The following ANKRD12 variants were observed in gnomAD, a reference collection of about 807,000 sequenced individuals.
ANKRD12 encodes ankyrin repeat domain 12.
A neutral mutation model predicts 183.4 loss-of-function variants in ANKRD12; 85 were observed. That is an observed-to-expected ratio of 0.46 (90% confidence interval 0.39 to 0.56). The LOEUF (loss-of-function observed/expected upper bound fraction) is 0.56. Ranked by LOEUF, ANKRD12 falls within the 20% of genes least tolerant of loss-of-function variation. The pLI is 0.00. For missense variants in ANKRD12, 2,405 were observed against 2,357.1 expected, an observed-to-expected ratio of 1.02 and a Z score of -0.42; for synonymous variants, 914 against 800.2, an observed-to-expected ratio of 1.14 and a Z score of -2.40.
intron 1 of ANKRD12, among the ~76,000 whole-genome samples, chr18:9,170,629 T>C (rs927600065): frequency 6.6e-6 from 1 of 152,182 alleles, no homozygotes; most frequent in Non-Finnish European, 1.5e-5. Flanking sequence ...TTCAAAGCTT[T>C]TAACTTCTTT....
intron 1 of ANKRD12, among the ~76,000 whole-genome samples, chr18:9,179,705 G>A (rs1372825006): frequency 6.6e-6 from 1 of 152,056 alleles, no homozygotes; most frequent in African/African-American, 2.4e-5. Flanking sequence ...TAGTAGAAGT[G>A]GTGTTTCGCC....
chr18:9,269,594 C>T (rs1384862886), intron 10 of ANKRD12, among the ~76,000 whole-genome samples: 1 of 152,198 alleles, frequency 6.6e-6, no homozygotes, highest in Non-Finnish European at 1.5e-5. Context: ...TGGATCCCTT[C>T]CTTACACCTT....
At chr18:9,260,132 C>G (rs984413294) in intron 9 of ANKRD12, 8 of 152,184 alleles carry the variant, frequency 5.3e-5, no homozygotes, top group Non-Finnish European at 1.0e-4. Context: ...GCCCTACATT[C>G]TTTTTCTTAC....
chr18:9,207,187 G>A (rs2144584755), intron 4 of ANKRD12, among the ~76,000 whole-genome samples: 1 of 152,028 alleles, frequency 6.6e-6, no homozygotes, highest in East Asian at 1.9e-4. Flanking sequence ...GGAAAAAATT[G>A]GCTTCTCCAA....
intron 10 of ANKRD12, among the ~76,000 whole-genome samples, chr18:9,274,616 C>T (rs1025587407): frequency 3.9e-5 from 6 of 152,110 alleles, no homozygotes; most frequent in Non-Finnish European, 8.8e-5. Flanking sequence ...TGGAAATGTT[C>T]TGGTGATGGT....
chr18:9,255,695 A>G lies in ANKRD12; in HGVS notation c.2428A>G (p.Lys810Glu). ...HLVEKEIDIE[K>E]QEKHIKESKE... ...AGTGGAAAAGGAAATAGACATTGAA[A>G]AACAAGAAAAGCATATAAAGGAAAG... Residue 810 changes from lysine to glutamate, a missense_variant, in exon 9 of 13, where the codon AAA (lysine) becomes GAA (glutamate). By Grantham distance (56) the Lys-to-Glu change is moderately conservative (BLOSUM62 1). This residue lies in a region of ANKRD12 where 1,983 missense variants were observed against 1,725.9 expected (regional missense o/e 1.15). Coordinates refer to ENST00000262126, the MANE Select transcript of ANKRD12 (RefSeq NM_015208.5). The G allele has an allele frequency of 1.9e-6, 3 of 1,597,688 alleles. No homozygotes were observed. The highest frequency in any genetic ancestry group is 2.6e-6 in the Non-Finnish European group (3 of 1,175,832).
At chr18:9,198,355 C>CA (rs11375187) in intron 3 of ANKRD12, among the ~76,000 whole-genome samples, 28,934 of 151,980 alleles carry the variant, frequency 0.19, 2,969 homozygotes, top group African/African-American at 0.25. Flanking sequence ...CAATAGTAAT[C>CA]AAGAAATACA....
In ANKRD12 at chr18:9,234,662, A is replaced by G. The variant is rs955378621; in HGVS notation, c.943+12663A>G. ...ATATGGGGGCTATGGTTCCCAGGGCAGGATGAAGTCTCCTGACAGCTGGGC... is the reference window on the plus strand; with the variant it reads ...ATATGGGGGCTATGGTTCCCAGGGCGGGATGAAGTCTCCTGACAGCTGGGC... On this transcript the variant is annotated intron_variant, in intron 8 of 12. Transcript: ENST00000262126. 3.3e-5 allele frequency among the ~76,000 whole-genome samples: 5 copies of G among 152,232 alleles called. No homozygotes were observed. The East Asian group carries it at 9.7e-4, about 29-fold the overall frequency.
At chr18:9,211,930 A>G (rs1014422157) in intron 6 of ANKRD12, 146 bp downstream of exon 6, 1 of 656,196 alleles carries the variant, frequency 1.5e-6, no homozygotes, top group Non-Finnish European at 2.5e-6. Flanking sequence ...TGGAGTTCGT[A>G]CATAAAACCC....
intron 1 of ANKRD12, among the ~76,000 whole-genome samples, chr18:9,170,737 A>G (rs2032624564): frequency 6.6e-6 from 1 of 151,872 alleles, no homozygotes. Flanking sequence ...GCTTTGTTCC[A>G]TTGCTGGTGA....
chr18:9,239,588 GA>G, intron 8 of ANKRD12: 4 of 1,156,974 alleles, frequency 3.5e-6, no homozygotes, highest in African/African-American at 1.6e-5. Context: ...TGGAGTTGCT[GA>G]AAAAGACTGA....
At position 9,257,100 on chromosome 18, in the gene ANKRD12, C is replaced by A. The variant is rs755094667; in HGVS notation, c.3833C>A (p.Ala1278Glu). Residue 1278 changes from alanine to glutamate, a missense_variant, in exon 9 of 13, where the codon GCA (alanine) becomes GAA (glutamate). Coordinates refer to ENST00000262126, the MANE Select transcript of ANKRD12 (RefSeq NM_015208.5). ...DLPERIKPPYANRLSTSHLRS... is the reference protein window; with the variant it reads ...DLPERIKPPYENRLSTSHLRS... Reference sequence around the variant, plus strand: ...CCGGAGCGGATTAAACCACCATATGCAAACAGACTTTCAACATCCCATCTT... The same window carrying A: ...CCGGAGCGGATTAAACCACCATATGAAAACAGACTTTCAACATCCCATCTT... 1 of 1,614,132 alleles carries A rather than the reference C, an allele frequency of 6.2e-7. No individual in the cohort carries two copies. Among genetic ancestry groups the A allele is most frequent in the Non-Finnish European group, 8.5e-7 (1 of 1,180,000 alleles).
intron 1 of ANKRD12, among the ~76,000 whole-genome samples, chr18:9,162,534 A>C (rs2031563822): frequency 6.6e-6 from 1 of 152,186 alleles, no homozygotes; most frequent in Non-Finnish European, 1.5e-5. Flanking sequence ...TCTTTGTAAT[A>C]GAATGATTTA....
chr18:9,172,298 G>T (rs2032817151), intron 1 of ANKRD12, among the ~76,000 whole-genome samples: 1 of 152,106 alleles, frequency 6.6e-6, no homozygotes. Flanking sequence ...TCTCCTGGAT[G>T]ATATCCTGAA....
chr18:9,145,889 C>T (rs2078476922), intron 1 of ANKRD12, among the ~76,000 whole-genome samples: 1 of 152,160 alleles, frequency 6.6e-6, no homozygotes. Flanking sequence ...AGAAGGCATT[C>T]TCTGTTTATG....
At position 9,258,262 on chromosome 18, in the gene ANKRD12, T is replaced by G. The variant is rs1432767632; in HGVS notation, c.4995T>G (p.Asn1665Lys). Residue 1665 changes from asparagine to lysine, a missense_variant, in exon 9 of 13, where the codon AAT becomes AAG. By Grantham distance (94) the Asn-to-Lys change is moderately conservative (BLOSUM62 0). This residue lies in a region of ANKRD12 where 1,983 missense variants were observed against 1,725.9 expected (regional missense o/e 1.15). Coordinates refer to ENST00000262126, the MANE Select transcript of ANKRD12 (RefSeq NM_015208.5). Reference protein sequence around the residue: ...MNAGMPKGNLNEQDPKHCPES... With the variant: ...MNAGMPKGNLKEQDPKHCPES... ...CAGGGATGCCAAAAGGAAACCTAAA[T>G]GAACAAGATCCAAAACATTGTCCTG... The G allele has an allele frequency of 2.5e-6, 4 of 1,613,732 alleles. No individual in the cohort carries two copies. Among genetic ancestry groups the G allele is most frequent in the Middle Eastern group, 1.6e-4 (1 of 6,062 alleles).
chr18:9,213,201 A>G (rs2035904447), intron 6 of ANKRD12, among the ~76,000 whole-genome samples: 1 of 151,944 alleles, frequency 6.6e-6, no homozygotes. Context: ...TTGTTTTTAC[A>G]TGTAGCCCTA....
In ANKRD12 at chr18:9,257,883, A is replaced by T. The variant is rs751584683; in HGVS notation, c.4616A>T (p.Asn1539Ile). The T allele has an allele frequency of 4.1e-5, 66 of 1,613,656 alleles. No individual in the cohort carries two copies. Among genetic ancestry groups the T allele is most frequent in the Non-Finnish European group, 5.5e-5 (65 of 1,179,924 alleles). Residue 1539 changes from asparagine to isoleucine, a missense_variant, in exon 9 of 13, where the codon AAT becomes ATT. Coordinates refer to ENST00000262126, the MANE Select transcript of ANKRD12 (RefSeq NM_015208.5). ...ATTAGTTCTGCTTTAGATACTGATA[A>T]TGAATCTACAAAAGATACAGAAAAT... is the stretch of plus-strand genomic sequence containing the variant. ...QIISSALDTD[N>I]ESTKDTENTF...
At chr18:9,253,588 T>G (rs2038423866) in intron 8 of ANKRD12, among the ~76,000 whole-genome samples, 1 of 152,266 alleles carries the variant, frequency 6.6e-6, no homozygotes, top group Admixed American at 6.5e-5. Flanking sequence ...CATCTGTTGA[T>G]GGACACAAGA....
Sources: allele counts gnomAD v4.1 joint callset (sites outside exome capture counted in the v4.1 genomes callset), GRCh38; gene constraint gnomAD v4.1.1; regional missense constraint gnomAD v4.1.1; transcripts MANE v1.5; gene names NCBI Gene and HGNC (gene_info 2026-07-23, HGNC 2026-07-21).